PRKAG2: variants seen among roughly 807,000 people sequenced by gnomAD.
PRKAG2 encodes protein kinase AMP-activated non-catalytic subunit gamma 2.
A neutral mutation model predicts 69.6 loss-of-function variants in PRKAG2; 26 were observed. The observed-to-expected ratio is 0.37, with a 90% CI of 0.27 to 0.52. The LOEUF (loss-of-function observed/expected upper bound fraction) is 0.52, where lower values mean the gene tolerates loss of function less well. PRKAG2 is among the 20% of genes least tolerant of loss of function. PRKAG2 has a pLI of 0.90. For synonymous variants in PRKAG2, 293 were observed against 285.0 expected, an observed-to-expected ratio of 1.03 and a Z score of -0.28; for missense variants, 557 against 740.0, an observed-to-expected ratio of 0.75 and a Z score of 2.87.
At chr7:151,603,423 A>C (rs1364956065) in intron 5 of PRKAG2, among the ~76,000 whole-genome samples, 1 of 27,952 alleles carries the variant, frequency 3.6e-5, no homozygotes, top group Non-Finnish European at 6.0e-5. Context: ...ACGGAGGGAC[A>C]CGCTCCATCC....
intron 1 of PRKAG2, among the ~76,000 whole-genome samples, chr7:151,827,824 G>T (rs1357527587): frequency 1.3e-4 from 19 of 146,920 alleles, no homozygotes; most frequent in Non-Finnish European, 5.9e-5. Context: ...CAGAGCCTAC[G>T]TGCCTCCAAG....
chr7:151,586,369 A>T (rs1310681208), intron 6 of PRKAG2, among the ~76,000 whole-genome samples: 4 of 152,122 alleles, frequency 2.6e-5, no homozygotes, highest in African/African-American at 9.7e-5. Context: ...GATTCCATTC[A>T]TTCATAAATC....
intron 4 of PRKAG2, among the ~76,000 whole-genome samples, chr7:151,634,957 CTTTTTTTTTT>C (rs1437056622): frequency 1.1e-4 from 11 of 97,722 alleles, no homozygotes; most frequent in Non-Finnish European, 2.0e-4. Flanking sequence ...TTTTTTTTTT[CTTTTTTTTTT>C]GAGACAGGGT....
Position 151,862,139 on chromosome 7 carries a change from C to T in PRKAG2, c.114+14368G>A, listed in dbSNP as rs889182339. 5.9e-5 allele frequency among the ~76,000 whole-genome samples: 9 copies of T among 152,244 alleles called. No individual in the cohort carries two copies. The East Asian group carries it at 1.5e-3, about 26-fold the overall frequency. On this transcript the variant is annotated intron_variant, in intron 1 of 15. Transcript: ENST00000287878. Reference sequence around the variant, plus strand: ...ATGAAGGTCTAGGCGCCCGGCCCGTCTCCAGGCAGAGGACCATCCCGCCAT... The same window carrying T: ...ATGAAGGTCTAGGCGCCCGGCCCGTTTCCAGGCAGAGGACCATCCCGCCAT...
In PRKAG2 at chr7:151,781,608, C is replaced by T. The variant is rs773554334; in HGVS notation, c.187-177G>A. On this transcript the variant is annotated intron_variant, in intron 2 of 15. Coordinates refer to ENST00000287878, the MANE Select transcript of PRKAG2 (RefSeq NM_016203.4). This position sits in a 1 kb window ranked among gnomAD's most constrained non-coding sequence, Gnocchi z 6.1. ...GCCACTGAATGGTCTGCAGGTAGCA[C>T]CTGCCCCAAGGATGGCCCCTCACAG... Among the ~76,000 whole-genome samples, 3 of 152,204 alleles carry T rather than the reference C, an allele frequency of 2.0e-5. No individual in the cohort carries two copies. Among genetic ancestry groups the T allele is most frequent in the South Asian group, 2.1e-4 (1 of 4,832 alleles).
rs528331803 is a variant in PRKAG2, at chr7:151,725,296, A to G, written c.467-49659T>C. ...GAGGGAAACAGGCCAGTCACAAACA[A>G]ATACTGTCTGATTCCGCTGACGAGA... On this transcript the variant is annotated intron_variant, in intron 3 of 15. Coordinates refer to ENST00000287878, the MANE Select transcript of PRKAG2 (RefSeq NM_016203.4). Among the ~76,000 whole-genome samples the G allele has an allele frequency of 7.9e-5, 12 of 152,224 alleles. 1 individual carries two copies. In the South Asian group the frequency reaches 2.3e-3, roughly 29 times the overall value.
chr7:151,696,448 G>A (rs1836685807), intron 3 of PRKAG2, among the ~76,000 whole-genome samples: 1 of 152,246 alleles, frequency 6.6e-6, no homozygotes, highest in African/African-American at 2.4e-5. Context: ...AGGTGAGGAA[G>A]TGAGCGCTTC....
At chr7:151,589,762 C>T (rs988084647) in intron 6 of PRKAG2, among the ~76,000 whole-genome samples, 2 of 152,140 alleles carry the variant, frequency 1.3e-5, no homozygotes, top group Non-Finnish European at 2.9e-5. Flanking sequence ...AGTGAAACCC[C>T]ATCTCTACTA....
intron 1 of PRKAG2, among the ~76,000 whole-genome samples, chr7:151,815,820 C>T (rs1441225337): frequency 6.6e-6 from 1 of 152,176 alleles, no homozygotes; most frequent in African/African-American, 2.4e-5. Flanking sequence ...CCCGCCGTGT[C>T]CCTCATTAAA....
chr7:151,737,937 C>G (rs111309352), intron 3 of PRKAG2, among the ~76,000 whole-genome samples: 1 of 102,552 alleles, frequency 9.8e-6, no homozygotes, highest in Non-Finnish European at 2.0e-5. Flanking sequence ...ATCTGCCACT[C>G]CCACGGGGCC....
At chr7:151,804,132 G>A (rs995517130) in intron 1 of PRKAG2, among the ~76,000 whole-genome samples, 4 of 152,040 alleles carry the variant, frequency 2.6e-5, no homozygotes, top group African/African-American at 7.3e-5. Context: ...TGTTTTGCTC[G>A]TGTCTTACTG....
chr7:151,763,079 C>T (rs1289717039), intron 3 of PRKAG2, among the ~76,000 whole-genome samples: 1 of 152,210 alleles, frequency 6.6e-6, no homozygotes. Flanking sequence ...GTGCTTCTCC[C>T]ACCTTACAAA....
intron 3 of PRKAG2, among the ~76,000 whole-genome samples, chr7:151,726,883 T>G (rs1299874337): frequency 1.3e-5 from 2 of 152,104 alleles, no homozygotes; most frequent in African/African-American, 4.8e-5. Context: ...GCCTTAAACA[T>G]TTTTAGAAGT....
chr7:151,768,763 G>A (rs1468426760), intron 3 of PRKAG2, among the ~76,000 whole-genome samples: 1 of 152,220 alleles, frequency 6.6e-6, no homozygotes, highest in East Asian at 1.9e-4. Flanking sequence ...CACTGCACCT[G>A]GCCAGTCTTC....
chr7:151,747,254 C>T (rs183088786), intron 3 of PRKAG2, among the ~76,000 whole-genome samples: 39 of 152,322 alleles, frequency 2.6e-4, no homozygotes, highest in African/African-American at 8.4e-4. Context: ...AGTGAAATTA[C>T]AGTACTTGGT....
chr7:151,776,004 T>C (rs922222292), intron 3 of PRKAG2, among the ~76,000 whole-genome samples: 1 of 152,192 alleles, frequency 6.6e-6, no homozygotes, highest in African/African-American at 2.4e-5. Context: ...CAGGCACAAA[T>C]GAACGGCCAT....
chr7:151,797,631 C>T (rs2077622748), intron 1 of PRKAG2, among the ~76,000 whole-genome samples: 1 of 152,228 alleles, frequency 6.6e-6, no homozygotes, highest in South Asian at 2.1e-4. Context: ...CCAAGGACTC[C>T]TTCTACTCCA....
chr7:151,811,486 T>TTC (rs2078420463), intron 1 of PRKAG2, among the ~76,000 whole-genome samples: 2 of 152,384 alleles, frequency 1.3e-5, no homozygotes, highest in South Asian at 4.1e-4. Context: ...CATTCTATTT[T>TTC]TCTCTTAACT....
chr7:151,635,033 T>C (rs965519024), intron 4 of PRKAG2, among the ~76,000 whole-genome samples: 1 of 146,680 alleles, frequency 6.8e-6, no homozygotes, highest in Non-Finnish European at 1.5e-5. Context: ...CACTGCAACC[T>C]CTACCTCCCA....
Sources: allele counts gnomAD v4.1 joint callset (sites outside exome capture counted in the v4.1 genomes callset), GRCh38; gene constraint gnomAD v4.1.1; non-coding constraint Gnocchi (gnomAD v3.1); transcripts MANE v1.5; gene names NCBI Gene and HGNC (gene_info 2026-07-23, HGNC 2026-07-21).